Variants in PRRC2B observed in about 807,000 individuals in gnomAD.
PRRC2B encodes the protein protein PRRC2B.
Under a neutral mutation model 242.3 loss-of-function variants are expected in PRRC2B, and 68 were observed. That is an observed-to-expected ratio of 0.28 (90% CI 0.23 to 0.34). PRRC2B has a LOEUF of 0.34. Ranked by LOEUF, PRRC2B falls within the 10% of genes least tolerant of loss-of-function variation. The pLI is 1.00. For synonymous variants in PRRC2B, 1,228 were observed against 1,173.6 expected, an observed-to-expected ratio of 1.05 and a Z score of -0.95; for missense variants, 2,835 against 2,954.8, an observed-to-expected ratio of 0.96 and a Z score of 0.94.
At chr9:131,462,660 A>G (rs889963287) in intron 11 of PRRC2B, among the ~76,000 whole-genome samples, 10 of 151,512 alleles carry the variant, frequency 6.6e-5, no homozygotes, top group African/African-American at 2.4e-4. Context: ...CAACATGGTG[A>G]AACCCCATCT....
intron 1 of PRRC2B, among the ~76,000 whole-genome samples, chr9:131,408,590 G>A (rs1233036795): frequency 6.6e-6 from 1 of 152,208 alleles, no homozygotes; most frequent in African/African-American, 2.4e-5. Flanking sequence ...GAATAATACA[G>A]TAGCTTCCTG....
At chr9:131,380,899 A>AAAAAAAAT (rs1836751396) in intron 1 of PRRC2B, among the ~76,000 whole-genome samples, 1 of 151,254 alleles carries the variant, frequency 6.6e-6, no homozygotes. Context: ...AAAAAAAAAA[A>AAAAAAAAT]GAGTGATTTG....
intron 19 of PRRC2B, among the ~76,000 whole-genome samples, chr9:131,481,476 C>G (rs1482487661): frequency 6.6e-6 from 1 of 152,100 alleles, no homozygotes; most frequent in Non-Finnish European, 1.5e-5. Flanking sequence ...TCACTCTCTC[C>G]TGTAATCCAT....
intron 11 of PRRC2B, 45 bp downstream of exon 11, chr9:131,459,401 G>A: frequency 6.6e-7 from 1 of 1,522,744 alleles, no homozygotes; most frequent in East Asian, 2.3e-5. Flanking sequence ...ACTTCATTGA[G>A]TTGGGTGGCT....
chr9:131,405,684 G>C (rs1207000154), intron 1 of PRRC2B, among the ~76,000 whole-genome samples: 1 of 152,192 alleles, frequency 6.6e-6, no homozygotes, highest in Non-Finnish European at 1.5e-5. Flanking sequence ...TCTGGCAAGA[G>C]GAGGTGCGGT....
chr9:131,446,492 G>A lies in PRRC2B; in HGVS notation c.705G>A (p.Ser235=). 1.9e-6 allele frequency: 3 copies of A among 1,613,814 alleles called. No homozygotes were observed. Among genetic ancestry groups the A allele is most frequent in the Non-Finnish European group, 1.7e-6 (2 of 1,179,856 alleles). ...CAACTGAGCTGGGCAGCAGGAACTC[G>A]AGTACGGGAGATGGAGCCCCCTCCT... is the stretch of plus-strand genomic sequence containing the variant. ...TSPTELGSRN[S]STGDGAPSSA... Residue 235 remains serine (S), a synonymous_variant, in exon 7 of 32, where the codon TCG becomes TCA. Transcript: ENST00000683519. The surrounding 1 kb of genome is among the most constrained non-coding windows in gnomAD (Gnocchi z 4.1).
intron 1 of PRRC2B, among the ~76,000 whole-genome samples, chr9:131,387,378 G>C (rs1173962140): frequency 7.3e-6 from 1 of 136,648 alleles, no homozygotes; most frequent in African/African-American, 2.5e-5. Context: ...ACCAGATTAA[G>C]GGTGGGTCTG....
Position 131,474,847 on chromosome 9 carries a change from G to A in PRRC2B, c.2718G>A (p.Gly906=). 1 of 1,610,100 alleles carries A rather than the reference G, an allele frequency of 6.2e-7. No homozygotes were observed. Among genetic ancestry groups the A allele is most frequent in the Non-Finnish European group, 8.5e-7 (1 of 1,178,770 alleles). The change falls in exon 16 of 32, where the codon GGG becomes GGA. Residue 906 remains glycine, a synonymous_variant. Coordinates refer to ENST00000683519, the MANE Select transcript of PRRC2B (RefSeq NM_013318.4). The part of the protein sequence containing the change: ...AFNISSWDKN[G]SPNKQPSSEP... Reference sequence around the variant, plus strand: ...ACATCTCCTCCTGGGACAAGAACGGGAGCCCCAACAAACAGCCATCCTCGG... The same window carrying A: ...ACATCTCCTCCTGGGACAAGAACGGAAGCCCCAACAAACAGCCATCCTCGG...
rs376974037 is a variant in PRRC2B at position 131,483,433 on chromosome 9, C to G, written c.5448C>G (p.Ala1816=). 6.2e-6 allele frequency: 10 copies of G among 1,613,748 alleles called. No individual in the cohort carries two copies. In the African/African-American group the frequency reaches 1.2e-4, roughly 19 times the overall value. The part of the protein sequence containing the change: ...TGSPVVKLQD[A]LASNAGLTQS... ...GTCCAGTTGTTAAACTTCAGGATGC[C>G]TTGGCCAGTAATGTAAGTCCACACT... The change falls in exon 23 of 32, where the codon GCC becomes GCG. Residue 1816 remains alanine, a synonymous_variant. Coordinates refer to ENST00000683519, the MANE Select transcript of PRRC2B (RefSeq NM_013318.4).
intron 31 of PRRC2B, among the ~76,000 whole-genome samples, chr9:131,495,011 G>A (rs920477974): frequency 2.0e-5 from 3 of 152,176 alleles, no homozygotes; most frequent in African/African-American, 4.8e-5. Flanking sequence ...CCCCTCAGAC[G>A]TGGGTTTTTA....
intron 9 of PRRC2B, among the ~76,000 whole-genome samples, chr9:131,453,919 GT>G (rs1252889265): frequency 6.6e-6 from 1 of 152,110 alleles, no homozygotes; most frequent in African/African-American, 2.4e-5. Context: ...AAAGTCTATA[GT>G]TTAGTGGTTT....
rs745498553 is a variant in PRRC2B, at chr9:131,488,142, T to C, written c.6225+46T>C. On this transcript the variant is annotated intron_variant, in intron 28 of 31. Coordinates refer to ENST00000683519, the MANE Select transcript of PRRC2B (RefSeq NM_013318.4). Reference sequence around the variant, plus strand: ...ACCCAAAGCCCTAGGCTTCTTTCCTTCACGACCTTGCCTTTTCTTTTCACC... The same window carrying C: ...ACCCAAAGCCCTAGGCTTCTTTCCTCCACGACCTTGCCTTTTCTTTTCACC... 1.9e-6 allele frequency: 3 copies of C among 1,572,864 alleles called. No individual in the cohort carries two copies. In the South Asian group the frequency reaches 3.5e-5, roughly 18 times the overall value.
intron 10 of PRRC2B, among the ~76,000 whole-genome samples, chr9:131,456,625 G>A (rs1223878103): frequency 1.3e-5 from 2 of 151,136 alleles, no homozygotes; most frequent in African/African-American, 2.4e-5. Context: ...GCAACAGAGC[G>A]AGACTCCACC....
At chr9:131,448,555 A>AAAAAAACAAAAAAC (rs1431766977) in intron 9 of PRRC2B, among the ~76,000 whole-genome samples, 1 of 126,860 alleles carries the variant, frequency 7.9e-6, no homozygotes, top group Non-Finnish European at 1.7e-5. Context: ...AAAAAAAAAA[A>AAAAAAACAAAAAAC]AAAAAAAAAA....
At chr9:131,473,788 G>A in intron 15 of PRRC2B, 64 bp downstream of exon 15, 2 of 1,341,334 alleles carry the variant, frequency 1.5e-6, no homozygotes, top group Non-Finnish European at 2.1e-6. Flanking sequence ...TAATTGAGAG[G>A]GCCCTGGGAT....
intron 1 of PRRC2B, among the ~76,000 whole-genome samples, chr9:131,376,046 CAAAAAAA>C (rs56400904): frequency 1.4e-5 from 1 of 73,002 alleles, no homozygotes; most frequent in Non-Finnish European, 2.5e-5. Flanking sequence ...GAGACTGTCT[CAAAAAAA>C]AAAAAAAAAA....
chr9:131,488,965 G>A (rs1031940371), intron 28 of PRRC2B, among the ~76,000 whole-genome samples: 1 of 152,070 alleles, frequency 6.6e-6, no homozygotes, highest in Non-Finnish European at 1.5e-5. Context: ...CTGCAGAGAT[G>A]ACCCCGGGTC....
intron 2 of PRRC2B, among the ~76,000 whole-genome samples, chr9:131,431,189 G>C (rs1050715562): frequency 1.3e-5 from 2 of 151,952 alleles, no homozygotes; most frequent in African/African-American, 4.8e-5. Flanking sequence ...GGAGTGCAGT[G>C]GTGTGATCTT....
intron 2 of PRRC2B, among the ~76,000 whole-genome samples, chr9:131,430,801 G>C (rs1012240519): frequency 9.3e-5 from 14 of 151,118 alleles, no homozygotes; most frequent in African/African-American, 3.4e-4. Context: ...CCATGTTAGT[G>C]AGGCTGGTCT....
Sources: allele counts gnomAD v4.1 joint callset (sites outside exome capture counted in the v4.1 genomes callset), GRCh38; gene constraint gnomAD v4.1.1; non-coding constraint Gnocchi (gnomAD v3.1); transcripts MANE v1.5; gene names NCBI Gene and HGNC (gene_info 2026-07-23, HGNC 2026-07-21).